The following SOX5 variants were observed in gnomAD, a reference collection of about 807,000 sequenced individuals.
SOX5 encodes transcription factor SOX-5.
In SOX5, 9 loss-of-function variants were observed where a neutral mutation model predicts 92.0. The ratio of observed to expected loss-of-function variants is 0.10; its 90% CI spans 0.06 to 0.17. SOX5 has a LOEUF of 0.17. SOX5 is among the 10% of genes least tolerant of loss of function. The pLI is 1.00. For synonymous variants in SOX5, 344 were observed against 336.3 expected, an observed-to-expected ratio of 1.02 and a Z score of -0.25; for missense variants, 642 against 944.5, an observed-to-expected ratio of 0.68 and a Z score of 4.20.
intron 4 of SOX5, among the ~76,000 whole-genome samples, chr12:24,187,236 T>G (rs1013049550): frequency 6.6e-6 from 1 of 152,192 alleles, no homozygotes; most frequent in Non-Finnish European, 1.5e-5. Flanking sequence ...TTTGTGTAAT[T>G]GATTGATCTA....
intron 4 of SOX5, among the ~76,000 whole-genome samples, chr12:24,180,632 A>G (rs955479129): frequency 1.3e-5 from 2 of 152,210 alleles, no homozygotes; most frequent in Non-Finnish European, 2.9e-5. Context: ...CTCAGTTAAC[A>G]TACCATTGAG....
At chr12:24,154,626 T>G (rs1951984657) in intron 4 of SOX5, among the ~76,000 whole-genome samples, 1 of 152,046 alleles carries the variant, frequency 6.6e-6, no homozygotes. Context: ...ATGAAGAGTT[T>G]CTAACAACAG....
intron 1 of SOX5, among the ~76,000 whole-genome samples, chr12:24,411,089 G>A (rs1963985422): frequency 6.6e-6 from 1 of 151,950 alleles, no homozygotes; most frequent in Non-Finnish European, 1.5e-5. Context: ...AAATTTTGAT[G>A]TTCAGCCATT....
intron 2 of SOX5, among the ~76,000 whole-genome samples, chr12:23,857,341 G>A (rs2096704462): frequency 6.6e-6 from 1 of 152,036 alleles, no homozygotes; most frequent in Admixed American, 6.6e-5. Context: ...AATTAATTGG[G>A]TAGAGGAGAA....
chr12:23,736,335 G>A (rs959148085), intron 5 of SOX5, among the ~76,000 whole-genome samples: 14 of 151,910 alleles, frequency 9.2e-5, no homozygotes, highest in East Asian at 1.9e-4. Context: ...GGTGGCGGGC[G>A]CCTGTAGTCC....
chr12:24,173,809 T>A (rs763119528), intron 4 of SOX5, among the ~76,000 whole-genome samples: 17 of 152,148 alleles, frequency 1.1e-4, no homozygotes, highest in African/African-American at 4.1e-4. Flanking sequence ...TGTTCAGTCA[T>A]AGTTAGGAAT....
intron 1 of SOX5, among the ~76,000 whole-genome samples, chr12:24,415,036 A>G (rs976007373): frequency 6.6e-6 from 1 of 152,172 alleles, no homozygotes; most frequent in African/African-American, 2.4e-5. Context: ...CAAAGTGGCA[A>G]CTCAAACCAA....
In SOX5 at chr12:23,757,712, TG is replaced by T. The variant is rs1410826454; in HGVS notation, c.482-1989del. Among the ~76,000 whole-genome samples, 9 of 152,052 alleles carry T rather than the reference TG, an allele frequency of 5.9e-5. No individual in the cohort carries two copies. The East Asian group carries it at 1.7e-3, about 29-fold the overall frequency. ...GGAATGCAGCAATAGAAATCCATTG[TG>T]CACTAACAATAGGCCCCTGAACCTC... is the stretch of plus-strand genomic sequence containing the variant. On this transcript the variant is annotated intron_variant, in intron 3 of 14. Coordinates refer to ENST00000451604, the MANE Select transcript of SOX5 (RefSeq NM_006940.6).
At chr12:24,220,950 C>G (rs1381507192) in intron 3 of SOX5, among the ~76,000 whole-genome samples, 1 of 152,190 alleles carries the variant, frequency 6.6e-6, no homozygotes, top group Admixed American at 6.5e-5. Flanking sequence ...GACACCTTAT[C>G]TACACTGGTT....
At chr12:23,673,807 T>C (rs2085198986) in intron 6 of SOX5, among the ~76,000 whole-genome samples, 1 of 152,038 alleles carries the variant, frequency 6.6e-6, no homozygotes, top group African/African-American at 2.4e-5. Flanking sequence ...AAGGTTTCTT[T>C]TGGGAGTGAT....
At chr12:23,625,858 C>T (rs1043436679) in intron 8 of SOX5, among the ~76,000 whole-genome samples, 5 of 152,278 alleles carry the variant, frequency 3.3e-5, no homozygotes, top group Admixed American at 6.5e-5. Context: ...CCGCCTGCCT[C>T]GGCCTCCCAA....
chr12:24,558,607 T>C (rs763547980), intron 1 of SOX5, among the ~76,000 whole-genome samples: 1 of 152,224 alleles, frequency 6.6e-6, no homozygotes, highest in African/African-American at 2.4e-5. Context: ...AGATCTTTGC[T>C]TCATATTTTT....
At chr12:24,502,445 G>T (rs939443880) in intron 1 of SOX5, among the ~76,000 whole-genome samples, 3 of 152,126 alleles carry the variant, frequency 2.0e-5, no homozygotes, top group Non-Finnish European at 4.4e-5. Flanking sequence ...AAATATTCAT[G>T]AATCTACATT....
chr12:24,296,329 A>T (rs1947242733), intron 2 of SOX5, among the ~76,000 whole-genome samples: 1 of 152,240 alleles, frequency 6.6e-6, no homozygotes, highest in African/African-American at 2.4e-5. Context: ...TTATTGTGAG[A>T]TTTCCTCGCT....
At chr12:24,494,729 C>T (rs1947442066) in intron 1 of SOX5, among the ~76,000 whole-genome samples, 1 of 152,014 alleles carries the variant, frequency 6.6e-6, no homozygotes, top group African/African-American at 2.4e-5. Context: ...TGCCATGATT[C>T]CCCTTAAAAC....
chr12:23,586,478 C>A (rs151007349), intron 9 of SOX5, among the ~76,000 whole-genome samples: 13 of 151,552 alleles, frequency 8.6e-5, no homozygotes, highest in South Asian at 2.1e-4. Flanking sequence ...AAGAGTTTTA[C>A]GGGGAAAAAA....
intron 6 of SOX5, among the ~76,000 whole-genome samples, chr12:23,685,964 A>C (rs1311498517): frequency 6.6e-6 from 1 of 152,166 alleles, no homozygotes; most frequent in East Asian, 1.9e-4. Context: ...CATGTCTCCT[A>C]AATAAAAATT....
chr12:24,077,750 A>T (rs962494622), intron 4 of SOX5, among the ~76,000 whole-genome samples: 1 of 142,214 alleles, frequency 7.0e-6, no homozygotes, highest in Non-Finnish European at 1.5e-5. Flanking sequence ...ACAAGGTGGT[A>T]CTTCTCTTCG....
chr12:23,954,924 AC>A (rs1333966334), upstream of SOX5, among the ~76,000 whole-genome samples: 1 of 152,052 alleles, frequency 6.6e-6, no homozygotes, highest in African/African-American at 2.4e-5. Context: ...ATTCAGAATA[AC>A]TTGAAATAAT....
Sources: gnomAD v4.1 joint callset for allele counts (sites outside exome capture counted in the v4.1 genomes callset) on GRCh38, gnomAD v4.1.1 for gene constraint, MANE v1.5 for transcripts, NCBI Gene and HGNC (gene_info 2026-07-23, HGNC 2026-07-21) for gene names.